GNGT2: variants seen among roughly 807,000 people sequenced by gnomAD.
GNGT2 encodes the protein G protein subunit gamma transducin 2.
In GNGT2, 4 loss-of-function variants were observed where a neutral mutation model predicts 3.5. The observed-to-expected ratio is 1.13, with a 90% CI of 0.56 to 2.59. The LOEUF is 2.59. Ranked by LOEUF, GNGT2 falls within the 30% of genes most tolerant of loss-of-function variation. The pLI is 0.02. For synonymous variants in GNGT2, 31 were observed against 29.5 expected, an observed-to-expected ratio of 1.05 and a Z score of -0.17; for missense variants, 64 against 81.2, an observed-to-expected ratio of 0.79 and a Z score of 0.82.
chr17:49,209,467 A>G (rs556517486), intron 1 of GNGT2: 73 of 152,342 alleles, frequency 4.8e-4, no homozygotes, highest in African/African-American at 1.7e-3. Context: ...CCTCTGTTCA[A>G]GCTTCTTTGC....
At chr17:49,209,233 C>A in intron 1 of GNGT2, 1 of 152,800 alleles carries the variant, frequency 6.5e-6, no homozygotes, top group East Asian at 1.9e-4. Context: ...TCTCCTCCTT[C>A]CCTTCCCACC....
intron 1 of GNGT2, among the ~76,000 whole-genome samples, chr17:49,209,744 G>A (rs562614416): frequency 2.0e-5 from 3 of 152,260 alleles, no homozygotes; most frequent in South Asian, 4.1e-4. Flanking sequence ...GAGGAGGCCC[G>A]CCGTCCATCC....
chr17:49,207,875 G>A (rs1293044914), intron 2 of GNGT2, among the ~76,000 whole-genome samples: 2 of 152,144 alleles, frequency 1.3e-5, no homozygotes, highest in Non-Finnish European at 2.9e-5. Flanking sequence ...GTCAAGAGAA[G>A]GGGGTCTTGG....
chr17:49,207,353 T>C lies in GNGT2; in HGVS notation c.70A>G (p.Asn24Asp). The change falls in exon 3 of 4, where the codon AAC becomes GAC. Residue 24 changes from asparagine to aspartate, a missense_variant. Coordinates refer to ENST00000507680, the MANE Select transcript of GNGT2 (RefSeq NM_001198754.2). ...AGGAGGCTCACCGGAATTCTTGTGTTTTTCACTTCTTTCTTCAGCTGCTCC... is the reference window on the plus strand; with the variant it reads ...AGGAGGCTCACCGGAATTCTTGTGTCTTTCACTTCTTTCTTCAGCTGCTCC... ...EVEQLKKEVK[N>D]TRIPISKAGK... 1 of 1,612,802 alleles carries C rather than the reference T, an allele frequency of 6.2e-7. No homozygotes were observed. Among genetic ancestry groups the C allele is most frequent in the Non-Finnish European group, 8.5e-7 (1 of 1,178,822 alleles).
chr17:49,207,638 G>A (rs1468520892), intron 2 of GNGT2, among the ~76,000 whole-genome samples, 194 bp from the exon 3 acceptor site: 1 of 152,210 alleles, frequency 6.6e-6, no homozygotes. Context: ...CTCCCAGTCT[G>A]ATGGGGGAGG....
At chr17:49,209,760 T>A (rs2043141872) in intron 1 of GNGT2, among the ~76,000 whole-genome samples, 1 of 152,072 alleles carries the variant, frequency 6.6e-6, no homozygotes, top group Non-Finnish European at 1.5e-5. Flanking sequence ...CATCCTAACT[T>A]CCGTGCTCCA....
intron 2 of GNGT2, 86 bp from the exon 3 acceptor site, chr17:49,207,530 C>G: frequency 1.3e-6 from 1 of 775,158 alleles, no homozygotes; most frequent in Non-Finnish European, 2.3e-6. Context: ...TCTTCCCTGC[C>G]ATATCCCTCA....
At chr17:49,209,605 C>G (rs2043140070) in intron 1 of GNGT2, among the ~76,000 whole-genome samples, 1 of 152,176 alleles carries the variant, frequency 6.6e-6, no homozygotes, top group Non-Finnish European at 1.5e-5. Flanking sequence ...AGCTCCTGCT[C>G]TGGTTGACAC....
intron 2 of GNGT2, 128 bp from the exon 3 acceptor site, chr17:49,207,572 A>C: frequency 9.3e-6 from 6 of 645,946 alleles, no homozygotes; most frequent in African/African-American, 5.4e-5. Flanking sequence ...ACAGATATTC[A>C]CTCCATCCTT....
Position 49,210,338 on chromosome 17 carries a change from C to T in GNGT2, c.-133+106G>A. ...CCTTCCATGAGTGGAAAATCCACCT[C>T]CGCCCCCTATAGCAGGCCAGCCCCC... On this transcript the variant is annotated intron_variant, in intron 1 of 3. Transcript: ENST00000507680. This position sits in a 1 kb window ranked among gnomAD's most constrained non-coding sequence, Gnocchi z 4.2. The T allele has an allele frequency of 6.0e-6, 1 of 166,016 alleles. No homozygotes were observed. The highest frequency in any genetic ancestry group is 1.3e-5 in the Non-Finnish European group (1 of 76,518). 10.3% of individuals were successfully genotyped at this position (166,016 alleles called of 1,614,324 possible). A position where few individuals can be genotyped will look rare whatever the true frequency, so the allele number is the denominator to read the frequency against.
rs201646997 is a variant in GNGT2, at chr17:49,206,777, C to T, written c.190G>A (p.Gly64Ser). The T allele has an allele frequency of 9.3e-6, 15 of 1,613,600 alleles. No individual in the cohort carries two copies. The highest frequency in any genetic ancestry group is 1.2e-5 in the Non-Finnish European group (14 of 1,179,812). Reference protein sequence around the residue: ...PEDKNPFKEKGGCLIS With the variant: ...PEDKNPFKEKSGCLIS ...TGCCATCAGCTTATCAGACAGCCAC[C>T]TTTCTCCTTGAAGGGATTCTTGTCC... Residue 64 changes from glycine to serine, a missense_variant, in exon 4 of 4, where the codon GGT becomes AGT. Physicochemically the swap from Gly to Ser is moderately conservative, Grantham distance 56. Transcript: ENST00000507680.
intron 2 of GNGT2, among the ~76,000 whole-genome samples, chr17:49,208,421 A>G (rs1163181331): frequency 6.6e-6 from 1 of 151,166 alleles, no homozygotes; most frequent in African/African-American, 2.4e-5. Flanking sequence ...AGATCACACC[A>G]CTGCACTCCA....
Position 49,210,409 on chromosome 17 carries a change from C to T in GNGT2, c.-133+35G>A, listed in dbSNP as rs1227399426. 1 of 237,354 alleles carries T rather than the reference C, an allele frequency of 4.2e-6. No individual in the cohort carries two copies. Among genetic ancestry groups the T allele is most frequent in the Non-Finnish European group, 8.2e-6 (1 of 122,216 alleles). The allele number at this position is 237,354 out of a possible 1,614,324, so 14.7% of individuals were successfully genotyped here. On this transcript the variant is annotated intron_variant, in intron 1 of 3. Coordinates refer to ENST00000507680, the MANE Select transcript of GNGT2 (RefSeq NM_001198754.2). This position sits in a 1 kb window ranked among gnomAD's most constrained non-coding sequence, Gnocchi z 4.2. ...CCATCCCCCAGCCGACCAGTTTCCTCTCCAGGACCAGGGAGCAATCACAGC... is the reference window on the plus strand; with the variant it reads ...CCATCCCCCAGCCGACCAGTTTCCTTTCCAGGACCAGGGAGCAATCACAGC...
chr17:49,208,478 G>C (rs1251242886), intron 2 of GNGT2, among the ~76,000 whole-genome samples: 6 of 150,736 alleles, frequency 4.0e-5, no homozygotes, highest in Non-Finnish European at 7.4e-5. Context: ...AAAAAAAAGA[G>C]AGAGAGAGAG....
Position 49,210,418 on chromosome 17 carries a change from C to T in GNGT2, c.-133+26G>A. On this transcript the variant is annotated intron_variant, in intron 1 of 3. Coordinates refer to ENST00000507680, the MANE Select transcript of GNGT2 (RefSeq NM_001198754.2). This position sits in a 1 kb window ranked among gnomAD's most constrained non-coding sequence, Gnocchi z 4.2. ...AGCCGACCAGTTTCCTCTCCAGGAC[C>T]AGGGAGCAATCACAGCTGCCCCGAC... The T allele has an allele frequency of 3.8e-6, 1 of 261,104 alleles. No individual in the cohort carries two copies. Among genetic ancestry groups the T allele is most frequent in the South Asian group, 1.1e-4 (1 of 8,974 alleles). 16.2% of individuals were successfully genotyped at this position (261,104 alleles called of 1,614,324 possible).
At position 49,206,859 on chromosome 17, in the gene GNGT2, G is replaced by A. The variant is rs537193118; in HGVS notation, c.108C>T (p.Ile36=). 5 of 1,613,876 alleles carry A rather than the reference G, an allele frequency of 3.1e-6. No homozygotes were observed. The highest frequency in any genetic ancestry group is 1.7e-5 in the Admixed American group (1 of 59,960). Residue 36 remains isoleucine (I), a synonymous_variant, in exon 4 of 4, where the codon ATC becomes ATT. Transcript: ENST00000507680. ...CTGCTTGGGCCTCCACGTACTCCTT[G>A]ATTTCCTTTCCCGCTTTGGAAATCT... The part of the protein sequence containing the change: ...RIPISKAGKE[I]KEYVEAQAGN...
chr17:49,209,114 T>G (rs2043134012), intron 1 of GNGT2, 160 bp from the exon 2 acceptor site: 1 of 152,466 alleles, frequency 6.6e-6, no homozygotes, highest in African/African-American at 2.4e-5. Flanking sequence ...TTCACCACCT[T>G]GCCTTGCGTT....
Position 49,210,494 on chromosome 17 carries a change from C to T in GNGT2, c.-183G>A, listed in dbSNP as rs2043152354. On this transcript the variant is annotated 5_prime_UTR_variant, in exon 1 of 4. Coordinates refer to ENST00000507680, the MANE Select transcript of GNGT2 (RefSeq NM_001198754.2). The surrounding 1 kb of genome is among the most constrained non-coding windows in gnomAD (Gnocchi z 4.2). ...TGGGGGCTGGGCCCCCAAATGGGCC[C>T]CTGGCTTCCCCCTTCCTCTGGGCAG... The T allele has an allele frequency of 4.7e-6, 2 of 426,800 alleles. No individual in the cohort carries two copies. The highest frequency in any genetic ancestry group is 8.4e-6 in the Non-Finnish European group (2 of 237,894). 26.4% of individuals were successfully genotyped at this position (426,800 alleles called of 1,614,324 possible).
intron 3 of GNGT2, 30 bp downstream of exon 3, chr17:49,207,309 G>T (rs1489026054): frequency 2.0e-6 from 3 of 1,504,154 alleles, no homozygotes; most frequent in Non-Finnish European, 2.8e-6. Flanking sequence ...AACAGGAAGG[G>T]AAGAGCAGGG....
Sources: gnomAD v4.1 joint callset for allele counts (sites outside exome capture counted in the v4.1 genomes callset) on GRCh38, gnomAD v4.1.1 for gene constraint, Gnocchi (gnomAD v3.1) non-coding constraint, MANE v1.5 for transcripts, NCBI Gene and HGNC (gene_info 2026-07-23, HGNC 2026-07-21) for gene names.